The following CNTNAP2 variants were observed in gnomAD, a reference collection of about 807,000 sequenced individuals.
CNTNAP2 encodes contactin associated protein 2, also known as contactin-associated protein-like 2.
In CNTNAP2, 98 loss-of-function variants were observed where a neutral mutation model predicts 155.2. That is an observed-to-expected ratio of 0.63 (90% confidence interval 0.54 to 0.75). The LOEUF is 0.75. CNTNAP2 is among the 30% of genes least tolerant of loss of function. CNTNAP2 has a pLI of 0.00. For missense variants in CNTNAP2, 1,727 were observed against 1,688.1 expected (o/e 1.02, Z -0.40); for synonymous variants, 651 against 631.2 (o/e 1.03, Z -0.47).
rs1486364518 is a variant in CNTNAP2 at position 147,404,968 on chromosome 7, A to G, written c.1670+9188A>G. On this transcript the variant is annotated intron_variant, in intron 10 of 23. Transcript: ENST00000361727. ...ACTCTCCTAAGAAATAAAGGAAAAG[A>G]AAAAAGTTGAATTAGCCATTTTAAG... 3.3e-5 allele frequency among the ~76,000 whole-genome samples: 5 copies of G among 152,322 alleles called. No individual in the cohort carries two copies. In the East Asian group the frequency reaches 7.7e-4, roughly 23 times the overall value.
At chr7:147,639,044 G>T in intron 12 of CNTNAP2, 62 bp from the exon 13 acceptor site, 1 of 1,518,062 alleles carries the variant, frequency 6.6e-7, no homozygotes, top group Non-Finnish European at 9.2e-7. Context: ...ATTATTTTCT[G>T]ACATTTGGAG....
At chr7:146,684,502 G>A (rs973589110) in intron 1 of CNTNAP2, among the ~76,000 whole-genome samples, 2 of 151,884 alleles carry the variant, frequency 1.3e-5, no homozygotes, top group Admixed American at 1.3e-4. Context: ...AACACTTCTA[G>A]TATTCAAAAA....
intron 3 of CNTNAP2, among the ~76,000 whole-genome samples, chr7:146,936,865 G>A (rs987964282): frequency 1.3e-5 from 2 of 152,134 alleles, no homozygotes; most frequent in Non-Finnish European, 1.5e-5. Context: ...CCATGTGGCT[G>A]TACTAGAGTC....
chr7:147,213,457 T>G (rs1337959079), intron 8 of CNTNAP2, among the ~76,000 whole-genome samples: 1 of 151,990 alleles, frequency 6.6e-6, no homozygotes, highest in African/African-American at 2.4e-5. Context: ...AAACTAACCA[T>G]AACACCAAGG....
chr7:148,315,213 C>G (rs1444271805), intron 21 of CNTNAP2, among the ~76,000 whole-genome samples: 1 of 152,158 alleles, frequency 6.6e-6, no homozygotes, highest in African/African-American at 2.4e-5. Flanking sequence ...ATTTCACTTG[C>G]GTCCATGTGA....
intron 14 of CNTNAP2, among the ~76,000 whole-genome samples, chr7:147,951,219 G>C (rs1446527924): frequency 6.6e-6 from 1 of 152,220 alleles, no homozygotes; most frequent in Non-Finnish European, 1.5e-5. Flanking sequence ...AGTAAATAGA[G>C]AGGGAAGGAA....
intron 4 of CNTNAP2, among the ~76,000 whole-genome samples, chr7:147,068,023 C>T (rs1240805135): frequency 5.3e-5 from 8 of 152,178 alleles, no homozygotes; most frequent in East Asian, 1.9e-4. Context: ...TGTGCAAGCT[C>T]GAATACTGTT....
At chr7:146,622,241 G>A (rs3953409) in intron 1 of CNTNAP2, among the ~76,000 whole-genome samples, 5 of 114,176 alleles carry the variant, frequency 4.4e-5, no homozygotes, top group Non-Finnish European at 5.5e-5. Context: ...ATATGTGTGT[G>A]TATATCTATC....
intron 16 of CNTNAP2, among the ~76,000 whole-genome samples, chr7:148,146,286 T>C (rs1477909806): frequency 1.3e-5 from 2 of 152,226 alleles, no homozygotes; most frequent in South Asian, 2.1e-4. Context: ...ACATCTTTAA[T>C]GTTGAGAAGA....
At chr7:147,553,375 G>T (rs1162006869) in intron 11 of CNTNAP2, among the ~76,000 whole-genome samples, 1 of 152,150 alleles carries the variant, frequency 6.6e-6, no homozygotes, top group Non-Finnish European at 1.5e-5. Flanking sequence ...TGTAAGGAAA[G>T]TCCTTCTCTT....
chr7:147,335,442 G>A (rs2116849508), intron 9 of CNTNAP2, among the ~76,000 whole-genome samples: 1 of 152,226 alleles, frequency 6.6e-6, no homozygotes, highest in South Asian at 2.1e-4. Context: ...CTAATTAGGT[G>A]CTTCGTTGAG....
chr7:146,173,504 G>C (rs1192449709), intron 1 of CNTNAP2, among the ~76,000 whole-genome samples: 2 of 151,720 alleles, frequency 1.3e-5, no homozygotes. Context: ...TTATAGCATA[G>C]TAAATATACA....
At chr7:147,298,240 C>A (rs557655081) in intron 8 of CNTNAP2, among the ~76,000 whole-genome samples, 4 of 152,124 alleles carry the variant, frequency 2.6e-5, no homozygotes, top group African/African-American at 9.6e-5. Flanking sequence ...ACCAGCCTGA[C>A]ATGGTGAAAC....
rs115315542 is a variant in CNTNAP2 at position 148,172,681 on chromosome 7, G to A, written c.3010+203G>A. ...TTTGATAAAATGAGAGAAGCTCTGT[G>A]TATGGTGCAGAATTTCTTCCAGATT... On this transcript the variant is annotated intron_variant, in intron 18 of 23. Transcript: ENST00000361727. Among the ~76,000 whole-genome samples, 1,023 of 152,290 alleles carry A rather than the reference G, an allele frequency of 6.7e-3. 7 individuals are homozygous for A. Among genetic ancestry groups the A allele is most frequent in the African/African-American group, 0.021 (866 of 41,552 alleles).
chr7:147,732,188 C>CG (rs1554427858), intron 13 of CNTNAP2, among the ~76,000 whole-genome samples: 10 of 74,028 alleles, frequency 1.4e-4, no homozygotes, highest in East Asian at 4.8e-4. Flanking sequence ...CCCTCCCCCC[C>CG]CCACCACCCC....
chr7:147,589,970 A>T (rs1800706776), intron 12 of CNTNAP2, among the ~76,000 whole-genome samples: 1 of 152,092 alleles, frequency 6.6e-6, no homozygotes, highest in Non-Finnish European at 1.5e-5. Flanking sequence ...TACAGTCATT[A>T]TTGTTGGCTC....
chr7:147,289,549 G>T (rs987248704), intron 8 of CNTNAP2, among the ~76,000 whole-genome samples: 5 of 152,150 alleles, frequency 3.3e-5, no homozygotes, highest in Non-Finnish European at 5.9e-5. Context: ...AATGAAAATG[G>T]CTCCTTGTAT....
intron 11 of CNTNAP2, among the ~76,000 whole-genome samples, chr7:147,511,647 A>G (rs927467892): frequency 9.9e-5 from 15 of 152,094 alleles, no homozygotes; most frequent in African/African-American, 3.1e-4. Flanking sequence ...AAAGGAGACT[A>G]AAAACAGACC....
chr7:148,385,751 T>TG (rs1563067664), intron 22 of CNTNAP2, among the ~76,000 whole-genome samples: 3 of 106,158 alleles, frequency 2.8e-5, no homozygotes, highest in African/African-American at 1.1e-4. Context: ...TTTTTTTTTT[T>TG]TTTTTTTTTG....
Sources: gnomAD v4.1 joint callset for allele counts (sites outside exome capture counted in the v4.1 genomes callset) on GRCh38, gnomAD v4.1.1 for gene constraint, MANE v1.5 for transcripts, NCBI Gene and HGNC (gene_info 2026-07-23, HGNC 2026-07-21) for gene names.